Variants in RBFOX1 observed in about 807,000 individuals in gnomAD.
The protein encoded by RBFOX1 is RNA binding fox-1 homolog 1.
RBFOX1 carries 8 observed loss-of-function variants against 57.7 expected under a neutral mutation model. The ratio of observed to expected loss-of-function variants is 0.14; its 90% CI spans 0.08 to 0.25. The LOEUF (loss-of-function observed/expected upper bound fraction) is 0.25. Ranked by LOEUF, RBFOX1 falls within the 10% of genes least tolerant of loss-of-function variation. RBFOX1 has a pLI of 1.00. For synonymous variants in RBFOX1, 326 were observed against 222.4 expected (o/e 1.47, Z -4.15); for missense variants, 611 against 548.5 (o/e 1.11, Z -1.14).
chr16:7,650,044 G>GAAA, intron 11 of RBFOX1, among the ~76,000 whole-genome samples: 1 of 134,208 alleles, frequency 7.5e-6, no homozygotes, highest in East Asian at 2.3e-4. Flanking sequence ...GGGAAGGACA[G>GAAA]GAGGGAGGGA....
At chr16:6,641,698 G>A (rs961551523) in intron 2 of RBFOX1, among the ~76,000 whole-genome samples, 1 of 122,904 alleles carries the variant, frequency 8.1e-6, no homozygotes, top group Non-Finnish European at 1.7e-5. Flanking sequence ...TGGCACCACC[G>A]CAATTCAGCC....
At chr16:6,945,949 C>G (rs905689555) in intron 3 of RBFOX1, among the ~76,000 whole-genome samples, 115 of 152,312 alleles carry the variant, frequency 7.6e-4, no homozygotes, top group African/African-American at 2.8e-3. Context: ...TTTACCATTT[C>G]AAGGCATTCT....
chr16:7,385,135 C>T (rs548010521), intron 4 of RBFOX1, among the ~76,000 whole-genome samples: 11 of 152,192 alleles, frequency 7.2e-5, no homozygotes, highest in Non-Finnish European at 1.5e-4. Flanking sequence ...TGGGCAAAGG[C>T]CAGGTCATAC....
chr16:6,851,380 C>G (rs556299039), intron 3 of RBFOX1, among the ~76,000 whole-genome samples: 92 of 152,044 alleles, frequency 6.1e-4, no homozygotes, highest in African/African-American at 2.1e-3. Flanking sequence ...CAGATGTTAC[C>G]CCTGGAGCAA....
chr16:6,832,493 T>G (rs1330710610), intron 3 of RBFOX1, among the ~76,000 whole-genome samples: 1 of 152,180 alleles, frequency 6.6e-6, no homozygotes, highest in African/African-American at 2.4e-5. Flanking sequence ...GTAACACCTA[T>G]TGGGTATTAT....
chr16:6,433,622 A>G (rs906983234), intron 2 of RBFOX1, among the ~76,000 whole-genome samples: 3 of 152,176 alleles, frequency 2.0e-5, no homozygotes, highest in African/African-American at 7.2e-5. Flanking sequence ...TAGAGATCAG[A>G]TGTCTGGAAA....
intron 3 of RBFOX1, among the ~76,000 whole-genome samples, chr16:6,822,371 A>G (rs1813796561): frequency 6.6e-6 from 1 of 152,180 alleles, no homozygotes; most frequent in African/African-American, 2.4e-5. Flanking sequence ...TGTCACTTGC[A>G]AGAATTTGGC....
At chr16:5,818,984 C>G (rs919000892) in intron 3 of RBFOX1, among the ~76,000 whole-genome samples, 1 of 152,224 alleles carries the variant, frequency 6.6e-6, no homozygotes, top group Non-Finnish European at 1.5e-5. Context: ...CTGTCCCCAT[C>G]TCCATCTGTC....
At chr16:6,084,429 A>T (rs1482136335) in intron 1 of RBFOX1, among the ~76,000 whole-genome samples, 1 of 151,990 alleles carries the variant, frequency 6.6e-6, no homozygotes, top group Non-Finnish European at 1.5e-5. Context: ...TTTTTTGTGA[A>T]GACGGAGTCT....
chr16:7,589,187 T>C (rs2094302520), intron 7 of RBFOX1, among the ~76,000 whole-genome samples: 1 of 152,230 alleles, frequency 6.6e-6, no homozygotes, highest in Admixed American at 6.5e-5. Flanking sequence ...TTGACCAACT[T>C]CGTTCTGACC....
chr16:5,362,281 C>A (rs1461275453), intron 1 of RBFOX1, among the ~76,000 whole-genome samples: 1 of 152,160 alleles, frequency 6.6e-6, no homozygotes, highest in Non-Finnish European at 1.5e-5. Context: ...GCCTCCGCCT[C>A]CTGGGTTTAA....
chr16:7,085,251 G>T (rs952140658), intron 4 of RBFOX1, among the ~76,000 whole-genome samples: 3 of 151,984 alleles, frequency 2.0e-5, no homozygotes, highest in African/African-American at 7.3e-5. Context: ...GCAAACTAGA[G>T]AACTGGAACA....
Position 7,420,840 on chromosome 16 carries a change from C to T in RBFOX1, c.28-97307C>T, listed in dbSNP as rs554071199. Among the ~76,000 whole-genome samples, 10 of 148,008 alleles carry T rather than the reference C, an allele frequency of 6.8e-5. No homozygotes were observed. The South Asian group carries it at 2.1e-3, about 31-fold the overall frequency. ...GTACTTTAAAGAATTATTCTTTGTC[C>T]ATGTATGTCAGCATGCACTTTCAAA... On this transcript the variant is annotated intron_variant, in intron 4 of 15. Coordinates refer to ENST00000550418, the MANE Select transcript of RBFOX1 (RefSeq NM_018723.4).
rs74005148 is a variant in RBFOX1 at position 6,133,426 on chromosome 16, C to T, written c.-127+113434C>T. Among the ~76,000 whole-genome samples, 10 of 152,288 alleles carry T rather than the reference C, an allele frequency of 6.6e-5. No homozygotes were observed. In the East Asian group the frequency reaches 1.4e-3, roughly 21 times the overall value. On this transcript the variant is annotated intron_variant, in intron 1 of 15. Transcript: ENST00000550418. Reference sequence around the variant, plus strand: ...TCTGAATGAATAAATAAATGAAATGCTTCTACCACTTACATTCCCTGCCTC... The same window carrying T: ...TCTGAATGAATAAATAAATGAAATGTTTCTACCACTTACATTCCCTGCCTC...
At chr16:6,927,579 G>A (rs189389503) in intron 3 of RBFOX1, among the ~76,000 whole-genome samples, 1 of 152,042 alleles carries the variant, frequency 6.6e-6, no homozygotes, top group Admixed American at 6.5e-5. Context: ...ATTCACTGCT[G>A]TGTCCTGTGT....
At chr16:5,640,016 G>A (rs894202157) in intron 3 of RBFOX1, among the ~76,000 whole-genome samples, 1 of 152,162 alleles carries the variant, frequency 6.6e-6, no homozygotes, top group Non-Finnish European at 1.5e-5. Context: ...TTTCCCCGTG[G>A]TGCTGGGTGC....
intron 4 of RBFOX1, among the ~76,000 whole-genome samples, chr16:7,131,344 T>TA (rs1193910276): frequency 1.5e-5 from 1 of 66,512 alleles, no homozygotes; most frequent in East Asian, 3.4e-4. Flanking sequence ...AGACTGTCTT[T>TA]TTTTTTTTTT....
intron 2 of RBFOX1, among the ~76,000 whole-genome samples, chr16:6,486,976 A>C (rs1311791899): frequency 1.3e-5 from 2 of 152,166 alleles, no homozygotes; most frequent in Non-Finnish European, 2.9e-5. Flanking sequence ...GAGAAAGATA[A>C]AACGCCTTTA....
rs1278697547 is a variant in RBFOX1, at chr16:6,166,084, C to T, written c.-127+146092C>T. On this transcript the variant is annotated intron_variant, in intron 1 of 15. Transcript: ENST00000550418. The stretch of plus-strand genomic sequence containing the variant: ...CAATTCTCAGAGTGTAGTCTTTTCT[C>T]TTCCTACTCGAATTGGTAAAAATAA... 2.0e-5 allele frequency among the ~76,000 whole-genome samples: 3 copies of T among 152,302 alleles called. No homozygotes were observed. In the East Asian group the frequency reaches 5.8e-4, roughly 29 times the overall value.
Sources: allele counts gnomAD v4.1 joint callset (sites outside exome capture counted in the v4.1 genomes callset), GRCh38; gene constraint gnomAD v4.1.1; transcripts MANE v1.5; gene names NCBI Gene and HGNC (gene_info 2026-07-23, HGNC 2026-07-21).